SCRN1: variants seen among roughly 807,000 people sequenced by gnomAD.
SCRN1 encodes secernin-1.
A neutral mutation model predicts 43.3 loss-of-function variants in SCRN1; 19 were observed. The observed-to-expected ratio is 0.44, with a 90% CI of 0.31 to 0.64. The LOEUF (loss-of-function observed/expected upper bound fraction) is 0.64. SCRN1 is among the 30% of genes least tolerant of loss of function. SCRN1 has a pLI of 0.09. For synonymous variants in SCRN1, 183 were observed against 188.9 expected (o/e 0.97, Z 0.26); for missense variants, 447 against 524.1 (o/e 0.85, Z 1.44).
chr7:29,954,906 C>T (rs113572410), intron 3 of SCRN1, among the ~76,000 whole-genome samples: 92 of 152,284 alleles, frequency 6.0e-4, no homozygotes, highest in African/African-American at 2.1e-3. Flanking sequence ...GTCTCGAACT[C>T]CTGACCTCAG....
intron 2 of SCRN1, among the ~76,000 whole-genome samples, chr7:29,959,540 G>C (rs995318913): frequency 6.6e-6 from 1 of 152,120 alleles, no homozygotes; most frequent in Non-Finnish European, 1.5e-5. Flanking sequence ...AAGTAGCTGG[G>C]ACTAGAGGTG....
At chr7:29,983,273 C>A in intron 1 of SCRN1, among the ~76,000 whole-genome samples, 1 of 131,870 alleles carries the variant, frequency 7.6e-6, no homozygotes, top group Admixed American at 9.1e-5. Context: ...ATGAAGAAAA[C>A]TCTTAAGACT....
At chr7:29,970,811 A>G (rs933235637) in intron 1 of SCRN1, among the ~76,000 whole-genome samples, 1 of 152,164 alleles carries the variant, frequency 6.6e-6, no homozygotes, top group African/African-American at 2.4e-5. Context: ...ATCCTTCAGG[A>G]TCTGATTCAA....
At chr7:29,959,199 G>A (rs945306301) in intron 2 of SCRN1, among the ~76,000 whole-genome samples, 2 of 152,070 alleles carry the variant, frequency 1.3e-5, no homozygotes, top group Non-Finnish European at 2.9e-5. Flanking sequence ...TGTGCCTTTC[G>A]TACTGTACTC....
rs956776738 is a variant in SCRN1, at chr7:29,989,721, G to C, written c.-81C>G. ...CCGCCGAGGGTGCGGGTGCTGCCGG[G>C]TCCGGATTACTGCGGCGACCTCGGG... On this transcript the variant is annotated 5_prime_UTR_variant, in exon 1 of 8. Transcript: ENST00000242059. 17 of 986,136 alleles carry C rather than the reference G, an allele frequency of 1.7e-5. No homozygotes were observed. The highest frequency in any genetic ancestry group is 2.0e-5 in the Non-Finnish European group (17 of 830,556). 61.1% of individuals were successfully genotyped at this position (986,136 alleles called of 1,614,324 possible). A position where few individuals can be genotyped will look rare whatever the true frequency, so the allele number is the denominator to read the frequency against.
intron 1 of SCRN1, among the ~76,000 whole-genome samples, chr7:29,980,307 G>T (rs1788958140): frequency 6.6e-6 from 1 of 152,188 alleles, no homozygotes; most frequent in Non-Finnish European, 1.5e-5. Flanking sequence ...GGGAAATAGG[G>T]AGGTACTGAG....
chr7:29,942,739 A>G (rs2128090420), intron 4 of SCRN1, among the ~76,000 whole-genome samples: 1 of 152,158 alleles, frequency 6.6e-6, no homozygotes, highest in African/African-American at 2.4e-5. Flanking sequence ...ACTCTCCGTG[A>G]TTGCTGACGG....
intron 6 of SCRN1, among the ~76,000 whole-genome samples, chr7:29,928,257 C>T (rs553024402): frequency 6.1e-4 from 93 of 152,280 alleles, no homozygotes; most frequent in African/African-American, 2.0e-3. Context: ...GAACCTCAGG[C>T]CCCACCCTGT....
chr7:29,929,644 G>A (rs7777371), intron 6 of SCRN1, among the ~76,000 whole-genome samples: 9 of 152,236 alleles, frequency 5.9e-5, no homozygotes, highest in Admixed American at 1.3e-4. Context: ...GACTTGGAAC[G>A]GGGGTGTGAG....
At chr7:29,943,222 A>G (rs1787615842) in intron 4 of SCRN1, among the ~76,000 whole-genome samples, 1 of 152,204 alleles carries the variant, frequency 6.6e-6, no homozygotes, top group East Asian at 1.9e-4. Flanking sequence ...CCCAGTCCCA[A>G]GGAGCTGCTC....
At chr7:29,953,270 C>T (rs890626918) in intron 3 of SCRN1, among the ~76,000 whole-genome samples, 1 of 152,210 alleles carries the variant, frequency 6.6e-6, no homozygotes, top group African/African-American at 2.4e-5. Context: ...TTTCTTCTTC[C>T]TGCAACCAGA....
intron 3 of SCRN1, among the ~76,000 whole-genome samples, chr7:29,945,359 T>C (rs1023148740): frequency 6.6e-5 from 10 of 152,224 alleles, no homozygotes; most frequent in African/African-American, 2.4e-4. Context: ...ATTCTCGTGA[T>C]AGTGAATAAG....
chr7:29,959,685 G>T (rs568419096), intron 2 of SCRN1, among the ~76,000 whole-genome samples: 1 of 152,160 alleles, frequency 6.6e-6, no homozygotes, highest in Non-Finnish European at 1.5e-5. Flanking sequence ...AAGGTGCTGA[G>T]ATCAGAGGGC....
At position 29,921,196 on chromosome 7, in the gene SCRN1, T is replaced by A. The variant is rs1049393; in HGVS notation, c.*2761A>T. On this transcript the variant is annotated 3_prime_UTR_variant, in exon 8 of 8. Coordinates refer to ENST00000242059, the MANE Select transcript of SCRN1 (RefSeq NM_014766.5). ...AGCATGCTCAGCCCCCACCCCAGTC[T>A]GAAAAGATACACAAAGGGTTTCCTA... 0.34 allele frequency: 52,475 copies of A among 152,216 alleles called. 9,240 individuals carry two copies. Among genetic ancestry groups the A allele is most frequent in the African/African-American group, 0.41 (16,793 of 41,360 alleles). The allele number at this position is 152,216 out of a possible 1,614,324, so 9.4% of individuals were successfully genotyped here.
rs139735528 is a variant in SCRN1, at chr7:29,948,395, A to C, written c.342-4216T>G. On this transcript the variant is annotated intron_variant, in intron 3 of 7. Coordinates refer to ENST00000242059, the MANE Select transcript of SCRN1 (RefSeq NM_014766.5). The stretch of plus-strand genomic sequence containing the variant: ...CATGTCTTACTACAGTGTTCAGGAA[A>C]TAGTAACTCTGATTACACAGGTTCC... 3.5e-3 allele frequency among the ~76,000 whole-genome samples: 530 copies of C among 152,340 alleles called. 5 individuals are homozygous for C. The highest frequency in any genetic ancestry group is 0.012 in the African/African-American group (515 of 41,562).
At chr7:29,974,865 G>A (rs1215506393) in intron 1 of SCRN1, among the ~76,000 whole-genome samples, 1 of 151,870 alleles carries the variant, frequency 6.6e-6, no homozygotes, top group Admixed American at 6.6e-5. Flanking sequence ...TGTATTTTTA[G>A]TAGAGATGGG....
intron 5 of SCRN1, among the ~76,000 whole-genome samples, 198 bp from the exon 6 acceptor site, chr7:29,936,919 G>C (rs556653978): frequency 6.6e-6 from 1 of 152,124 alleles, no homozygotes; most frequent in Non-Finnish European, 1.5e-5. Context: ...GGTGGCAGGC[G>C]CCTGTAGTCC....
chr7:29,938,219 TG>T (rs1489844134), intron 5 of SCRN1, among the ~76,000 whole-genome samples: 1 of 152,158 alleles, frequency 6.6e-6, no homozygotes, highest in African/African-American at 2.4e-5. Flanking sequence ...TTGGTAGAGA[TG>T]GGGTTTCACC....
chr7:29,958,984 C>G (rs1280136792), intron 2 of SCRN1, among the ~76,000 whole-genome samples: 2 of 152,196 alleles, frequency 1.3e-5, no homozygotes, highest in South Asian at 2.1e-4. Context: ...CGAAAAGAAC[C>G]TAGAGCCAAA....
Sources: gnomAD v4.1 joint callset for allele counts (sites outside exome capture counted in the v4.1 genomes callset) on GRCh38, gnomAD v4.1.1 for gene constraint, MANE v1.5 for transcripts, NCBI Gene and HGNC (gene_info 2026-07-23, HGNC 2026-07-21) for gene names.